Variants in TRIM29 observed in about 807,000 individuals in gnomAD.
TRIM29 encodes the protein tripartite motif containing 29, also known as tripartite motif-containing protein 29.
TRIM29 carries 52 observed loss-of-function variants against 57.3 expected under a neutral mutation model. That is an observed-to-expected ratio of 0.91 (90% confidence interval 0.73 to 1.14). TRIM29 has a LOEUF of 1.14. Among genes scored for constraint, TRIM29 ranks in the 50% most tolerant of loss-of-function variants. TRIM29 has a pLI of 0.00. For synonymous variants in TRIM29, 319 were observed against 316.9 expected (o/e 1.01, Z -0.07); for missense variants, 753 against 774.6 (o/e 0.97, Z 0.33).
chr11:120,128,821 G>T (rs1463933312), intron 1 of TRIM29: 3 of 1,522,450 alleles, frequency 2.0e-6, no homozygotes, highest in Non-Finnish European at 2.6e-6. Context: ...CATTTACAGG[G>T]TGCTTGCCCT....
In TRIM29 at chr11:120,137,690, G is replaced by T; in HGVS notation, c.342C>A (p.Ala114=). 6.2e-7 allele frequency: 1 copy of T among 1,613,420 alleles called. No homozygotes were observed. The change falls in exon 1 of 9, where the codon GCC becomes GCA. Residue 114 remains alanine (A), a synonymous_variant. Coordinates refer to ENST00000341846, the MANE Select transcript of TRIM29 (RefSeq NM_012101.4). This position sits in a 1 kb window ranked among gnomAD's most constrained non-coding sequence, Gnocchi z 6.2. ...CGGCAAAGGTAACGGGTGGCTTCTTGGCAGCCCCCAGCTGGAGCCCTGCGT... is the reference window on the plus strand; with the variant it reads ...CGGCAAAGGTAACGGGTGGCTTCTTTGCAGCCCCCAGCTGGAGCCCTGCGT... ...SPYAGLQLGA[A]KKPPVTFAEK...
Position 120,117,984 on chromosome 11 carries a change from T to A in TRIM29, c.1627+239A>T. On this transcript the variant is annotated intron_variant, in intron 7 of 8. Transcript: ENST00000341846. ...ACCACTGAGAGCTGTTGTTGCAGCG[T>A]GTAGTTAGAGACTAGAGAGCGGTGA... 1.1e-5 allele frequency: 6 copies of A among 540,628 alleles called. No individual in the cohort carries two copies. In the South Asian group the frequency reaches 1.3e-4, roughly 11 times the overall value. The allele number at this position is 540,628 out of a possible 1,614,324, so 33.5% of individuals were successfully genotyped here. A position where few individuals can be genotyped will look rare whatever the true frequency, so the allele number is the denominator to read the frequency against.
At chr11:120,112,942 A>G (rs920354709) in intron 8 of TRIM29, among the ~76,000 whole-genome samples, 5 of 152,206 alleles carry the variant, frequency 3.3e-5, no homozygotes, top group African/African-American at 1.2e-4. Context: ...ACCAAGGCAC[A>G]GAGAGGCTAG....
intron 6 of TRIM29, among the ~76,000 whole-genome samples, chr11:120,119,130 C>A (rs760644084): frequency 3.3e-5 from 5 of 152,200 alleles, no homozygotes; most frequent in Non-Finnish European, 5.9e-5. Flanking sequence ...TAGGCTAACA[C>A]ATGCCTATGT....
At chr11:120,122,846 C>G in intron 5 of TRIM29, 108 bp downstream of exon 5, 2 of 821,010 alleles carry the variant, frequency 2.4e-6, no homozygotes, top group Non-Finnish European at 4.1e-6. Flanking sequence ...ACTGGACATG[C>G]CATCACCCCC....
intron 7 of TRIM29, 58 bp from the exon 8 acceptor site, chr11:120,115,472 G>C: frequency 6.7e-7 from 1 of 1,482,948 alleles, no homozygotes; most frequent in Non-Finnish European, 9.3e-7. Context: ...GGGGTGCCCG[G>C]GCCCAGAGCA....
intron 3 of TRIM29, 42 bp downstream of exon 3, chr11:120,127,294 T>G: frequency 1.3e-6 from 2 of 1,585,162 alleles, no homozygotes; most frequent in Non-Finnish European, 1.7e-6. Context: ...AAAAGTGGAT[T>G]GTGAAATCGA....
intron 7 of TRIM29, 105 bp from the exon 8 acceptor site, chr11:120,115,519 A>C (rs1411257427): frequency 3.1e-6 from 3 of 968,918 alleles, no homozygotes; most frequent in Non-Finnish European, 4.6e-6. Context: ...ACCAAGCATC[A>C]TCCAGCCCAT....
intron 1 of TRIM29, among the ~76,000 whole-genome samples, chr11:120,129,068 C>A (rs377448427): frequency 6.6e-6 from 1 of 152,096 alleles, no homozygotes; most frequent in East Asian, 1.9e-4. Flanking sequence ...TTTGGCAAGA[C>A]GGAGACTTTT....
intron 7 of TRIM29, chr11:120,117,862 C>A: frequency 3.6e-6 from 1 of 274,168 alleles, no homozygotes; most frequent in Non-Finnish European, 7.0e-6. Context: ...TAGAGCCAGC[C>A]AACGCTGGGA....
chr11:120,119,822 G>T (rs1425452494), intron 6 of TRIM29, among the ~76,000 whole-genome samples: 2 of 152,136 alleles, frequency 1.3e-5, no homozygotes, highest in Non-Finnish European at 2.9e-5. Context: ...TGGCTGGCAT[G>T]TGACCAGGAG....
At chr11:120,127,058 G>A (rs1025286951) in intron 3 of TRIM29, among the ~76,000 whole-genome samples, 1 of 152,222 alleles carries the variant, frequency 6.6e-6, no homozygotes, top group Non-Finnish European at 1.5e-5. Flanking sequence ...TGAGCCCAGA[G>A]CACTGCTAGC....
chr11:120,132,543 G>A (rs1489578248), intron 1 of TRIM29, among the ~76,000 whole-genome samples: 1 of 152,184 alleles, frequency 6.6e-6, no homozygotes, highest in African/African-American at 2.4e-5. Context: ...AGGTTTTCCC[G>A]AGAGCAGATG....
At chr11:120,122,163 T>TGA (rs1555050299) in intron 5 of TRIM29, among the ~76,000 whole-genome samples, 5,819 of 148,900 alleles carry the variant, frequency 0.039, 324 homozygotes, top group African/African-American at 0.12. Context: ...TGTGTGTGTG[T>TGA]GAAAGACGTG....
chr11:120,123,615 C>G (rs1000299286), intron 4 of TRIM29, among the ~76,000 whole-genome samples: 66 of 152,212 alleles, frequency 4.3e-4, no homozygotes, highest in Non-Finnish European at 9.0e-4. Flanking sequence ...ATGGCAGGGG[C>G]CACTCAACTG....
At chr11:120,114,997 TGTTTTA>T (rs1255277600) in intron 8 of TRIM29, among the ~76,000 whole-genome samples, 8 of 152,190 alleles carry the variant, frequency 5.3e-5, no homozygotes, top group African/African-American at 1.7e-4. Flanking sequence ...CCCACTGGGC[TGTTTTA>T]CAATCCCAGA....
In TRIM29 at chr11:120,125,723, C is replaced by A. The variant is rs376084869; in HGVS notation, c.1301G>T (p.Arg434Leu). 1 of 1,614,182 alleles carries A rather than the reference C, an allele frequency of 6.2e-7. No individual in the cohort carries two copies. The highest frequency in any genetic ancestry group is 2.2e-5 in the East Asian group (1 of 44,890). ...VEKMCKADLSRNFIERNHMEN... is the reference protein window; with the variant it reads ...VEKMCKADLSLNFIERNHMEN... The stretch of plus-strand genomic sequence containing the variant: ...CATGTGGTTCCTCTCAATGAAGTTA[C>A]GGCTCAGGTCCGCCTTGCACATCTT... The change falls in exon 4 of 9, where the codon CGT (arginine) becomes CTT (leucine). Residue 434 changes from arginine (R) to leucine (L), a missense_variant. By Grantham distance (102) the Arg-to-Leu change is moderately radical. Coordinates refer to ENST00000341846, the MANE Select transcript of TRIM29 (RefSeq NM_012101.4).
chr11:120,131,586 C>A lies in TRIM29; in HGVS notation c.805-3091G>T, dbSNP rs562038115. Reference sequence around the variant, plus strand: ...ACACAGGCTGGGAAGGGGCCTTGTTCCCACAGCATGTCTTGCAAGACCAGA... The same window carrying A: ...ACACAGGCTGGGAAGGGGCCTTGTTACCACAGCATGTCTTGCAAGACCAGA... On this transcript the variant is annotated intron_variant, in intron 1 of 8. Transcript: ENST00000341846. 6.9e-4 allele frequency among the ~76,000 whole-genome samples: 105 copies of A among 152,032 alleles called. 1 individual carries two copies. Among genetic ancestry groups the A allele is most frequent in the Non-Finnish European group, 1.1e-3 (78 of 67,956 alleles).
intron 8 of TRIM29, chr11:120,113,595 T>C: frequency 2.2e-6 from 1 of 456,140 alleles, no homozygotes; most frequent in Admixed American, 2.3e-5. Flanking sequence ...CCTGGTCAGC[T>C]CCTTGCCTTT....
Sources: allele counts gnomAD v4.1 joint callset (sites outside exome capture counted in the v4.1 genomes callset), GRCh38; gene constraint gnomAD v4.1.1; non-coding constraint Gnocchi (gnomAD v3.1); transcripts MANE v1.5; gene names NCBI Gene and HGNC (gene_info 2026-07-23, HGNC 2026-07-21).